Variants in XRCC4 observed in about 807,000 individuals in gnomAD.
XRCC4 encodes the protein X-ray repair cross complementing 4, also known as DNA repair protein XRCC4.
A neutral mutation model predicts 39.1 loss-of-function variants in XRCC4; 28 were observed. The ratio of observed to expected loss-of-function variants is 0.72; its 90% CI spans 0.53 to 0.98. XRCC4 has a LOEUF of 0.98. Among genes scored for constraint, XRCC4 ranks in the 50% least tolerant of loss-of-function variants. XRCC4 has a pLI of 0.00. For synonymous variants in XRCC4, 123 were observed against 126.4 expected, an observed-to-expected ratio of 0.97 and a Z score of 0.18; for missense variants, 350 against 376.4, an observed-to-expected ratio of 0.93 and a Z score of 0.58.
At position 83,271,050 on chromosome 5, in the gene XRCC4, C is replaced by T. The variant is rs544588358; in HGVS notation, c.893+12373C>T. ...AATCAACTACTAACTAAAATGCATT[C>T]CTGGATTGTCTTTCACAGGCACCAT... On this transcript the variant is annotated intron_variant, in intron 7 of 7. Coordinates refer to ENST00000396027, the MANE Select transcript of XRCC4 (RefSeq NM_003401.5). Among the ~76,000 whole-genome samples the T allele has an allele frequency of 1.9e-3, 296 of 152,190 alleles. 2 individuals carry two copies. Among genetic ancestry groups the T allele is most frequent in the Admixed American group, 3.1e-3 (47 of 15,286 alleles).
the XRCC4 span, among the ~76,000 whole-genome samples, chr5:83,374,264 G>A: frequency 2.0e-5 from 3 of 152,156 alleles, no homozygotes; most frequent in Non-Finnish European, 4.4e-5. Context: ...ATCAAATCAT[G>A]GGAGTGGTTT....
chr5:83,356,935 A>C (rs1443296921), downstream of XRCC4, among the ~76,000 whole-genome samples: 1 of 152,184 alleles, frequency 6.6e-6, no homozygotes, highest in Non-Finnish European at 1.5e-5. Context: ...GAAAGAAAAA[A>C]AAATCCCCTC....
chr5:83,163,516 A>G (rs897351213), intron 3 of XRCC4, among the ~76,000 whole-genome samples: 1 of 152,208 alleles, frequency 6.6e-6, no homozygotes, highest in Non-Finnish European at 1.5e-5. Context: ...AGCACTGTAA[A>G]CAAAATAAAG....
chr5:83,250,872 G>A (rs184516935), intron 6 of XRCC4, among the ~76,000 whole-genome samples: 25 of 152,284 alleles, frequency 1.6e-4, no homozygotes, highest in Admixed American at 5.9e-4. Context: ...AAGAAAAATC[G>A]AAGCTTCACA....
intron 5 of XRCC4, among the ~76,000 whole-genome samples, 167 bp from the exon 6 acceptor site, chr5:83,204,648 A>AAT (rs1385832365): frequency 6.6e-6 from 1 of 152,130 alleles, no homozygotes; most frequent in African/African-American, 2.4e-5. Flanking sequence ...TAAGAGAGTT[A>AAT]ATATATAGGT....
In XRCC4 at chr5:83,257,228, T is replaced by A. The variant is rs545834209; in HGVS notation, c.746-1302T>A. The stretch of plus-strand genomic sequence containing the variant: ...ATAACAGGCTTAAGGGAGAAAAAAT[T>A]AAGCTTTGGGCAATATATTCAAAAT... On this transcript the variant is annotated intron_variant, in intron 6 of 7. Transcript: ENST00000396027. 1.8e-4 allele frequency among the ~76,000 whole-genome samples: 28 copies of A among 152,030 alleles called. 1 individual carries two copies. The South Asian group carries it at 5.8e-3, about 32-fold the overall frequency.
intron 7 of XRCC4, among the ~76,000 whole-genome samples, chr5:83,272,561 A>G (rs1361706217): frequency 1.3e-5 from 2 of 151,866 alleles, no homozygotes; most frequent in African/African-American, 4.8e-5. Context: ...TATTTGTCCT[A>G]ATGCTTTCCC....
chr5:83,182,781 C>T (rs1420884327), intron 3 of XRCC4, among the ~76,000 whole-genome samples: 1 of 152,084 alleles, frequency 6.6e-6, no homozygotes, highest in African/African-American at 2.4e-5. Context: ...GCTATTGGCC[C>T]TTTGTTTCTC....
chr5:83,250,339 T>A (rs1753258678), intron 6 of XRCC4, among the ~76,000 whole-genome samples: 1 of 152,228 alleles, frequency 6.6e-6, no homozygotes, highest in South Asian at 2.1e-4. Context: ...CCAGCAGGCA[T>A]AAATAATCAA....
chr5:83,151,685 T>A (rs1748711165), intron 3 of XRCC4, among the ~76,000 whole-genome samples: 2 of 152,172 alleles, frequency 1.3e-5, no homozygotes, highest in Admixed American at 1.3e-4. Context: ...CATAACACAA[T>A]TTTTCCATTG....
rs569233398 is a variant in XRCC4, at chr5:83,154,729, A to AT, written c.316-41032dup. Reference sequence around the variant, plus strand: ...AGCATTTCAAAATTCCAAGAGAAGGATTTTTTTTTCTCTCGTGTTTTGATT... The same window carrying AT: ...AGCATTTCAAAATTCCAAGAGAAGGATTTTTTTTTTCTCTCGTGTTTTGATT... On this transcript the variant is annotated intron_variant, in intron 3 of 7. Transcript: ENST00000396027. 7.8e-4 allele frequency among the ~76,000 whole-genome samples: 119 copies of AT among 151,646 alleles called. 5 individuals carry two copies. The East Asian group carries it at 0.02, about 25-fold the overall frequency.
intron 6 of XRCC4, among the ~76,000 whole-genome samples, chr5:83,205,357 C>G (rs1751377075): frequency 6.6e-6 from 1 of 151,900 alleles, no homozygotes; most frequent in Non-Finnish European, 1.5e-5. Context: ...TTTCACTCTT[C>G]AGAAAAAAGA....
intron 4 of XRCC4, among the ~76,000 whole-genome samples, chr5:83,198,632 A>G (rs976686643): frequency 1.3e-5 from 2 of 152,150 alleles, no homozygotes; most frequent in African/African-American, 4.8e-5. Context: ...TTAAATATGT[A>G]TCACCATTAT....
rs143971157 is a variant in XRCC4, at chr5:83,111,024, A to G, written c.140-4A>G. The G allele has an allele frequency of 1.3e-4, 207 of 1,602,234 alleles. No homozygotes were observed. The highest frequency in any genetic ancestry group is 5.0e-4 in the Middle Eastern group (3 of 6,032). ...TTTAAAACTTTTGTTAATATTTCCC[A>G]TAGTTTCTGAATCAGAGATTTCCCA... On this transcript the variant is annotated splice_polypyrimidine_tract_variant and splice_region_variant and intron_variant, in intron 2 of 7. Transcript: ENST00000396027.
chr5:83,144,267 C>CTCTGTG (rs144947047), intron 3 of XRCC4, among the ~76,000 whole-genome samples: 2 of 140,134 alleles, frequency 1.4e-5, no homozygotes, highest in South Asian at 2.5e-4. Context: ...TAATATTCCT[C>CTCTGTG]TGTGTGTGTG....
chr5:83,207,937 A>G (rs1312343020), intron 6 of XRCC4, among the ~76,000 whole-genome samples: 2 of 151,974 alleles, frequency 1.3e-5, no homozygotes, highest in Non-Finnish European at 2.9e-5. Flanking sequence ...AGATATTGCA[A>G]TTTCCTGTGT....
chr5:83,188,411 T>C (rs932162444), intron 3 of XRCC4, among the ~76,000 whole-genome samples: 1 of 152,102 alleles, frequency 6.6e-6, no homozygotes, highest in African/African-American at 2.4e-5. Context: ...TGAGGGTGTT[T>C]TTGGATGAAA....
intron 2 of XRCC4, among the ~76,000 whole-genome samples, chr5:83,105,644 G>A (rs1746163559): frequency 6.6e-6 from 1 of 151,968 alleles, no homozygotes; most frequent in Non-Finnish European, 1.5e-5. Flanking sequence ...AATCATGTAT[G>A]GAACATGGTG....
In XRCC4 at chr5:83,291,951, C is replaced by CTGTGTGTG. The variant is rs34789998; in HGVS notation, c.893+33302_893+33309dup. The stretch of plus-strand genomic sequence containing the variant: ...TACTATATATGTTATATGTGTATTT[C>CTGTGTGTG]TGTGTGTGTGTGTGTGTGTGTGTGT... On this transcript the variant is annotated intron_variant, in intron 7 of 7. Coordinates refer to ENST00000396027, the MANE Select transcript of XRCC4 (RefSeq NM_003401.5). Among the ~76,000 whole-genome samples the CTGTGTGTG allele has an allele frequency of 3.0e-3, 431 of 144,020 alleles. 2 individuals carry two copies. The highest frequency in any genetic ancestry group is 7.9e-3 in the African/African-American group (313 of 39,840). 94.5% of individuals were successfully genotyped at this position (144,020 alleles called of 152,430 possible). A position where few individuals can be genotyped will look rare whatever the true frequency, so the allele number is the denominator to read the frequency against.
Sources: gnomAD v4.1 joint callset for allele counts (sites outside exome capture counted in the v4.1 genomes callset) on GRCh38, gnomAD v4.1.1 for gene constraint, MANE v1.5 for transcripts, NCBI Gene and HGNC (gene_info 2026-07-23, HGNC 2026-07-21) for gene names.